NEGR1: variants seen among roughly 807,000 people sequenced by gnomAD.
NEGR1 encodes the protein IgLON family member 4.
A neutral mutation model predicts 40.9 loss-of-function variants in NEGR1; 10 were observed. The observed-to-expected ratio is 0.24, with a 90% confidence interval of 0.15 to 0.42. The LOEUF (loss-of-function observed/expected upper bound fraction) is 0.42, where lower values mean the gene tolerates loss of function less well. Among genes scored for constraint, NEGR1 ranks in the 10% least tolerant of loss-of-function variants. The pLI is 1.00. For missense variants in NEGR1, 352 were observed against 438.9 expected (o/e 0.80, Z 1.77); for synonymous variants, 185 against 166.8 (o/e 1.11, Z -0.84).
chr1:72,101,837 T>G (rs931554900), intron 1 of NEGR1, among the ~76,000 whole-genome samples: 2 of 152,148 alleles, frequency 1.3e-5, no homozygotes, highest in Non-Finnish European at 2.9e-5. Flanking sequence ...ATGCTAGAAG[T>G]CAAATTAGAA....
At chr1:72,238,262 A>G (rs1016381946) in intron 1 of NEGR1, among the ~76,000 whole-genome samples, 1 of 151,900 alleles carries the variant, frequency 6.6e-6, no homozygotes, top group Non-Finnish European at 1.5e-5. Context: ...CCTGCCCTGA[A>G]GAATCTCAGT....
intron 1 of NEGR1, among the ~76,000 whole-genome samples, chr1:72,156,114 G>T (rs1353118824): frequency 7.2e-6 from 1 of 138,580 alleles, no homozygotes; most frequent in African/African-American, 3.5e-5. Flanking sequence ...CTGGAAGAAC[G>T]GTACTATATT....
intron 2 of NEGR1, among the ~76,000 whole-genome samples, chr1:71,826,411 T>A (rs868087288): frequency 6.6e-6 from 1 of 151,968 alleles, no homozygotes; most frequent in Non-Finnish European, 1.5e-5. Context: ...TCTCTTTTAA[T>A]GAAAATATAT....
intron 6 of NEGR1, among the ~76,000 whole-genome samples, chr1:71,502,213 T>C (rs953434058): frequency 3.3e-5 from 5 of 151,922 alleles, no homozygotes; most frequent in Non-Finnish European, 5.9e-5. Flanking sequence ...GGTCAGCCCA[T>C]AAAAGGGAAG....
At chr1:71,682,650 A>G (rs1273961772) in intron 4 of NEGR1, among the ~76,000 whole-genome samples, 1 of 152,166 alleles carries the variant, frequency 6.6e-6, no homozygotes, top group African/African-American at 2.4e-5. Flanking sequence ...TGACATGTGG[A>G]TATGTGGCTA....
chr1:72,183,625 A>G (rs1449262314), intron 1 of NEGR1, among the ~76,000 whole-genome samples: 1 of 152,130 alleles, frequency 6.6e-6, no homozygotes, highest in Non-Finnish European at 1.5e-5. Context: ...CTGATCATCA[A>G]CTGTGACTAT....
chr1:72,047,366 C>A (rs1385723940), intron 1 of NEGR1, among the ~76,000 whole-genome samples: 1 of 151,274 alleles, frequency 6.6e-6, no homozygotes, highest in Non-Finnish European at 1.5e-5. Flanking sequence ...TCCAAAGAAA[C>A]GTCATTCAAT....
chr1:72,020,506 G>C (rs1646747278), intron 1 of NEGR1, among the ~76,000 whole-genome samples: 1 of 151,976 alleles, frequency 6.6e-6, no homozygotes, highest in Non-Finnish European at 1.5e-5. Flanking sequence ...GTCAAGACTA[G>C]ATAAAACAAA....
At chr1:71,755,554 C>A (rs113292909) in intron 3 of NEGR1, among the ~76,000 whole-genome samples, 338 of 152,302 alleles carry the variant, frequency 2.2e-3, no homozygotes, top group Non-Finnish European at 3.6e-3. Flanking sequence ...CAACTTAAGT[C>A]GCTCTCTTCC....
intron 6 of NEGR1, among the ~76,000 whole-genome samples, chr1:71,522,413 G>T (rs773806305): frequency 5.3e-5 from 8 of 151,876 alleles, no homozygotes; most frequent in Non-Finnish European, 7.4e-5. Flanking sequence ...GACTACCTTT[G>T]TGTCTGAGTA....
intron 6 of NEGR1, among the ~76,000 whole-genome samples, chr1:71,548,260 T>C (rs779835979): frequency 6.6e-6 from 1 of 151,716 alleles, no homozygotes; most frequent in Non-Finnish European, 1.5e-5. Flanking sequence ...TCACTTATTT[T>C]CTGGAGATGG....
At chr1:71,884,809 T>C (rs951358189) in intron 2 of NEGR1, among the ~76,000 whole-genome samples, 1 of 152,228 alleles carries the variant, frequency 6.6e-6, no homozygotes, top group Admixed American at 6.5e-5. Context: ...AGTTGCCTGC[T>C]AGTTGCTTTA....
At chr1:71,825,041 A>C (rs1557666861) in intron 2 of NEGR1, among the ~76,000 whole-genome samples, 1 of 151,882 alleles carries the variant, frequency 6.6e-6, no homozygotes, top group Non-Finnish European at 1.5e-5. Context: ...AGGTCATAAC[A>C]CAGCTGTTTT....
intron 1 of NEGR1, among the ~76,000 whole-genome samples, chr1:72,111,557 A>G (rs1649372744): frequency 6.6e-6 from 1 of 151,832 alleles, no homozygotes; most frequent in Admixed American, 6.6e-5. Flanking sequence ...TAGACATAGT[A>G]TGACATTTAA....
intron 2 of NEGR1, among the ~76,000 whole-genome samples, chr1:71,787,581 A>G (rs544653203): frequency 6.6e-6 from 1 of 152,282 alleles, no homozygotes; most frequent in East Asian, 1.9e-4. Context: ...GTAGCTTACA[A>G]TCTCCTCAAA....
intron 2 of NEGR1, among the ~76,000 whole-genome samples, chr1:71,852,309 T>A (rs954210973): frequency 6.6e-6 from 1 of 152,146 alleles, no homozygotes; most frequent in Non-Finnish European, 1.5e-5. Context: ...TTGCTTTTCA[T>A]ATTCTGTCAG....
chr1:71,888,592 A>G (rs1264153462), intron 2 of NEGR1, among the ~76,000 whole-genome samples: 6 of 146,312 alleles, frequency 4.1e-5, no homozygotes, highest in Non-Finnish European at 7.5e-5. Context: ...GCTGATTGCT[A>G]GCACAGCAGT....
chr1:71,702,759 A>G (rs1653742976), intron 3 of NEGR1, among the ~76,000 whole-genome samples: 1 of 150,170 alleles, frequency 6.7e-6, no homozygotes, highest in African/African-American at 2.4e-5. Context: ...CAGACATTGG[A>G]CAGTAAGAAG....
At chr1:72,171,845 T>C (rs767002972) in intron 1 of NEGR1, among the ~76,000 whole-genome samples, 55 of 152,202 alleles carry the variant, frequency 3.6e-4, no homozygotes, top group Non-Finnish European at 7.2e-4. Context: ...TTTAAATGGA[T>C]ATAAAAATCT....
Sources: allele counts gnomAD v4.1 joint callset (sites outside exome capture counted in the v4.1 genomes callset), GRCh38; gene constraint gnomAD v4.1.1; transcripts MANE v1.5; gene names NCBI Gene and HGNC (gene_info 2026-07-23, HGNC 2026-07-21).